RGS5: variants seen among roughly 807,000 people sequenced by gnomAD.
RGS5 encodes regulator of G-protein signalling 5.
A neutral mutation model predicts 18.9 loss-of-function variants in RGS5; 20 were observed. That is an observed-to-expected ratio of 1.06 (90% CI 0.74 to 1.54). The LOEUF (loss-of-function observed/expected upper bound fraction) is 1.54. Ranked by LOEUF, RGS5 falls within the 40% of genes most tolerant of loss-of-function variation. The pLI is 0.00. For missense variants in RGS5, 201 were observed against 211.8 expected, an observed-to-expected ratio of 0.95 and a Z score of 0.32; for synonymous variants, 57 against 76.2, an observed-to-expected ratio of 0.75 and a Z score of 1.31.
intron 2 of RGS5, among the ~76,000 whole-genome samples, chr1:163,229,073 A>G (rs907727969): frequency 1.3e-5 from 2 of 152,086 alleles, no homozygotes; most frequent in African/African-American, 4.8e-5. Flanking sequence ...GTCATTTCCA[A>G]ATTTTTTAGT....
intron 4 of RGS5, among the ~76,000 whole-genome samples, chr1:163,150,552 C>T (rs1343842211): frequency 2.0e-5 from 3 of 152,082 alleles, no homozygotes; most frequent in South Asian, 2.1e-4. Context: ...GAAAGGATGG[C>T]CCAGCACAAA....
chr1:163,211,001 G>A (rs1660090700), intron 1 of RGS5: 1 of 152,210 alleles, frequency 6.6e-6, no homozygotes, highest in Non-Finnish European at 1.5e-5. Flanking sequence ...GAAGACTCAA[G>A]CTAAGAGCAT....
chr1:163,226,616 T>C (rs1647341901), intron 2 of RGS5, among the ~76,000 whole-genome samples: 1 of 152,154 alleles, frequency 6.6e-6, no homozygotes, highest in Non-Finnish European at 1.5e-5. Context: ...CTTAATATAT[T>C]AGACAAAGAA....
At chr1:163,231,323 C>T (rs970597935) in intron 2 of RGS5, among the ~76,000 whole-genome samples, 18 of 152,120 alleles carry the variant, frequency 1.2e-4, no homozygotes, top group South Asian at 6.2e-4. Context: ...GTTATTATTC[C>T]CATTTTACAG....
chr1:163,249,542 G>A (rs1478239631), intron 2 of RGS5, among the ~76,000 whole-genome samples: 1 of 152,230 alleles, frequency 6.6e-6, no homozygotes, highest in Non-Finnish European at 1.5e-5. Context: ...TATAATCCCA[G>A]CACTTTGGGA....
chr1:163,161,823 T>A, intron 3 of RGS5, 92 bp downstream of exon 3: 1 of 941,238 alleles, frequency 1.1e-6, no homozygotes, highest in Non-Finnish European at 1.7e-6. Flanking sequence ...AATGTCAACA[T>A]TGGGGAAGAA....
chr1:163,316,688 C>T (rs1286431720), intron 1 of RGS5, among the ~76,000 whole-genome samples: 1 of 151,950 alleles, frequency 6.6e-6, no homozygotes, highest in Non-Finnish European at 1.5e-5. Flanking sequence ...ATTAAGTCCA[C>T]AAAAATCTAA....
At chr1:163,231,468 T>G (rs1049727230) in intron 2 of RGS5, among the ~76,000 whole-genome samples, 3 of 152,170 alleles carry the variant, frequency 2.0e-5, no homozygotes, top group Non-Finnish European at 4.4e-5. Context: ...AACCTTAGCT[T>G]TTGCGATCCC....
intron 1 of RGS5, among the ~76,000 whole-genome samples, chr1:163,194,398 A>G (rs779512105): frequency 2.0e-5 from 3 of 152,144 alleles, no homozygotes; most frequent in Non-Finnish European, 4.4e-5. Flanking sequence ...AAAATGGAAT[A>G]TTTTCTCAAA....
At chr1:163,194,450 GGAA>G (rs1659479876) in intron 1 of RGS5, among the ~76,000 whole-genome samples, 1 of 152,094 alleles carries the variant, frequency 6.6e-6, no homozygotes, top group Non-Finnish European at 1.5e-5. Context: ...TGTTGGAGCT[GGAA>G]GGAGTATAAC....
rs1287233402 is a variant in RGS5 at position 163,142,373 on chromosome 1, T to C, written c.*4969A>G. The C allele has an allele frequency of 6.6e-6, 1 of 152,154 alleles. No individual in the cohort carries two copies. The highest frequency in any genetic ancestry group is 1.5e-5 in the Non-Finnish European group (1 of 68,036). 9.4% of individuals were successfully genotyped at this position (152,154 alleles called of 1,614,324 possible). On this transcript the variant is annotated 3_prime_UTR_variant, in exon 5 of 5. Transcript: ENST00000313961. ...AGATACATATTTGGTGCTTTATTTATCCAGAAGCATGAGTCACATAGTACA... is the reference window on the plus strand; with the variant it reads ...AGATACATATTTGGTGCTTTATTTACCCAGAAGCATGAGTCACATAGTACA...
chr1:163,169,204 A>T (rs1395484118), intron 1 of RGS5, among the ~76,000 whole-genome samples: 1 of 152,006 alleles, frequency 6.6e-6, no homozygotes, highest in Non-Finnish European at 1.5e-5. Flanking sequence ...ATCATTTTTT[A>T]TGGCTGCATA....
At chr1:163,274,685 GGGAACTGAAGCTA>G (rs1185994677) in intron 2 of RGS5, among the ~76,000 whole-genome samples, 1 of 152,148 alleles carries the variant, frequency 6.6e-6, no homozygotes, top group African/African-American at 2.4e-5. Flanking sequence ...CTTTAAGTGA[GGGAACTGAAGCTA>G]GCTCCAGGTA....
chr1:163,158,774 T>C (rs1657685948), intron 3 of RGS5, among the ~76,000 whole-genome samples: 1 of 152,152 alleles, frequency 6.6e-6, no homozygotes, highest in South Asian at 2.1e-4. Context: ...GCACGCATTG[T>C]CATTGATAAC....
chr1:163,245,023 A>G (rs1311855359), intron 2 of RGS5: 2 of 152,250 alleles, frequency 1.3e-5, no homozygotes, highest in South Asian at 4.1e-4. Context: ...GGTACTGGAA[A>G]GAGAAGGTCT....
chr1:163,306,342 A>C (rs1649698319), intron 1 of RGS5: 1 of 152,232 alleles, frequency 6.6e-6, no homozygotes, highest in Non-Finnish European at 1.5e-5. Context: ...AAGAAAAATA[A>C]AATGAATCGC....
At chr1:163,201,154 G>A (rs897216582) in intron 1 of RGS5, among the ~76,000 whole-genome samples, 1 of 152,096 alleles carries the variant, frequency 6.6e-6, no homozygotes, top group African/African-American at 2.4e-5. Flanking sequence ...CTACATAAGA[G>A]TACACAATTT....
intron 1 of RGS5, among the ~76,000 whole-genome samples, chr1:163,215,586 A>G (rs1660198510): frequency 6.6e-6 from 1 of 152,222 alleles, no homozygotes; most frequent in South Asian, 2.1e-4. Flanking sequence ...AGGACCACAA[A>G]GAATAGTACC....
chr1:163,147,965 C>T (rs1429215132), intron 4 of RGS5, among the ~76,000 whole-genome samples: 1 of 114,026 alleles, frequency 8.8e-6, no homozygotes, highest in African/African-American at 3.5e-5. Flanking sequence ...AGTTCTGTCA[C>T]TCAGGCAGGC....
Sources: allele counts gnomAD v4.1 joint callset (sites outside exome capture counted in the v4.1 genomes callset), GRCh38; gene constraint gnomAD v4.1.1; transcripts MANE v1.5; gene names NCBI Gene and HGNC (gene_info 2026-07-23, HGNC 2026-07-21).